NOX4: variants seen among roughly 807,000 people sequenced by gnomAD.
The protein encoded by NOX4 is NADPH oxidase 4, also known as kidney oxidase-1.
A neutral mutation model predicts 87.6 loss-of-function variants in NOX4; 69 were observed. The observed-to-expected ratio is 0.79, with a 90% CI of 0.65 to 0.96. The LOEUF is 0.96. Ranked by LOEUF, NOX4 falls within the 40% of genes least tolerant of loss-of-function variation. The pLI, the probability that NOX4 is intolerant of heterozygous loss-of-function variation, is 0.00. For synonymous variants in NOX4, 275 were observed against 238.2 expected (o/e 1.15, Z -1.42); for missense variants, 680 against 681.5 (o/e 1.00, Z 0.02).
chr11:89,495,159 T>C (rs1474366035), upstream of NOX4, among the ~76,000 whole-genome samples: 1 of 152,156 alleles, frequency 6.6e-6, no homozygotes, highest in Non-Finnish European at 1.5e-5. Context: ...TTTGTTTTTG[T>C]AGAGACGAGA....
At chr11:89,516,327 T>C in the NOX4 span, among the ~76,000 whole-genome samples, 4 of 152,080 alleles carry the variant, frequency 2.6e-5, no homozygotes, top group Non-Finnish European at 5.9e-5. Flanking sequence ...AAATTGAATA[T>C]AGATCAATAG....
chr11:89,338,699 G>A (rs1945834478), intron 15 of NOX4, among the ~76,000 whole-genome samples: 2 of 152,036 alleles, frequency 1.3e-5, no homozygotes. Context: ...GCATACTGCT[G>A]CCTCAGAGCC....
intron 8 of NOX4, among the ~76,000 whole-genome samples, chr11:89,409,097 G>GA (rs11323768): frequency 8.0e-4 from 120 of 149,870 alleles, no homozygotes; most frequent in African/African-American, 2.8e-3. Context: ...CCCTTGCAAA[G>GA]AAAAAAAAAG....
the NOX4 span, among the ~76,000 whole-genome samples, chr11:89,515,211 C>G: frequency 6.6e-6 from 1 of 151,946 alleles, no homozygotes; most frequent in East Asian, 1.9e-4. Context: ...AGTAGTTGTA[C>G]CCTTTAAAAT....
Position 89,391,335 on chromosome 11 carries a change from G to A in NOX4, c.1074+8682C>T, listed in dbSNP as rs191987019. 1.4e-4 allele frequency among the ~76,000 whole-genome samples: 21 copies of A among 152,266 alleles called. No individual in the cohort carries two copies. In the East Asian group the frequency reaches 4.1e-3, roughly 29 times the overall value. On this transcript the variant is annotated intron_variant, in intron 11 of 17. Transcript: ENST00000263317. ...AAGATGAGATGTGAAGGATGAGTAA[G>A]AGTTCCCAGACAAAGAGAATGGGTG...
chr11:89,461,151 C>T (rs1263756520), intron 2 of NOX4, among the ~76,000 whole-genome samples: 1 of 151,828 alleles, frequency 6.6e-6, no homozygotes, highest in Non-Finnish European at 1.5e-5. Flanking sequence ...CAATCCGGGG[C>T]CTGTTGTGGG....
At chr11:89,560,149 A>G in the NOX4 span, among the ~76,000 whole-genome samples, 4 of 152,178 alleles carry the variant, frequency 2.6e-5, no homozygotes, top group African/African-American at 9.7e-5. Context: ...ATAAAAGATG[A>G]ACACATGAAG....
the NOX4 span, among the ~76,000 whole-genome samples, chr11:89,529,942 A>G: frequency 1.3e-5 from 2 of 152,192 alleles, no homozygotes; most frequent in African/African-American, 4.8e-5. Flanking sequence ...TTACACATAG[A>G]TAAAACAATT....
intron 11 of NOX4, among the ~76,000 whole-genome samples, chr11:89,381,770 T>C (rs1940302345): frequency 6.6e-6 from 1 of 152,204 alleles, no homozygotes; most frequent in African/African-American, 2.4e-5. Flanking sequence ...CTACAACCTC[T>C]GGTCCTCAGA....
chr11:89,357,788 T>C (rs1170900196), intron 12 of NOX4, among the ~76,000 whole-genome samples: 1 of 152,096 alleles, frequency 6.6e-6, no homozygotes, highest in Non-Finnish European at 1.5e-5. Context: ...ATATAATACA[T>C]CCTTTTCGCA....
the NOX4 span, among the ~76,000 whole-genome samples, chr11:89,507,002 A>G: frequency 6.6e-6 from 1 of 152,040 alleles, no homozygotes; most frequent in Non-Finnish European, 1.5e-5. Context: ...TACAACATGT[A>G]TGAATCTCAA....
chr11:89,454,373 G>T (rs1468927266), intron 2 of NOX4, among the ~76,000 whole-genome samples: 1 of 152,050 alleles, frequency 6.6e-6, no homozygotes. Context: ...CCATGTTGGA[G>T]ATGAAGAGCT....
chr11:89,384,507 C>T (rs1565221652), intron 11 of NOX4, among the ~76,000 whole-genome samples: 1 of 152,276 alleles, frequency 6.6e-6, no homozygotes, highest in East Asian at 1.9e-4. Context: ...TTCTACAAAA[C>T]AACAACTCCT....
intron 2 of NOX4, among the ~76,000 whole-genome samples, chr11:89,483,151 G>T (rs946553105): frequency 6.6e-6 from 1 of 151,916 alleles, no homozygotes; most frequent in African/African-American, 2.4e-5. Flanking sequence ...TAAATATAAG[G>T]ATTAAATGAG....
At chr11:89,492,413 C>A (rs1946881936), upstream of NOX4, among the ~76,000 whole-genome samples, 1 of 152,168 alleles carries the variant, frequency 6.6e-6, no homozygotes, top group Non-Finnish European at 1.5e-5. Flanking sequence ...AATAAAAAAT[C>A]TTACAACACA....
intron 2 of NOX4, among the ~76,000 whole-genome samples, chr11:89,460,961 C>T (rs1227990469): frequency 8.5e-5 from 13 of 152,162 alleles, no homozygotes; most frequent in South Asian, 2.1e-4. Flanking sequence ...ATATACACCA[C>T]GGAATACTAT....
At chr11:89,489,414 C>T (rs1038168184) in intron 2 of NOX4, among the ~76,000 whole-genome samples, 15 of 152,252 alleles carry the variant, frequency 9.9e-5, no homozygotes, top group African/African-American at 3.4e-4. Flanking sequence ...GGGTTTTACA[C>T]TTTTTGCTTG....
chr11:89,397,276 C>G (rs1375022534), intron 11 of NOX4, among the ~76,000 whole-genome samples: 1 of 152,056 alleles, frequency 6.6e-6, no homozygotes, highest in African/African-American at 2.4e-5. Flanking sequence ...CCAATGAGAA[C>G]AAAGACACAA....
the NOX4 span, chr11:89,548,846 G>C: frequency 6.6e-6 from 1 of 152,158 alleles, no homozygotes; most frequent in African/African-American, 2.4e-5. Flanking sequence ...AGCCGCTGCT[G>C]TGTTTGCTAT....
Sources: allele counts gnomAD v4.1 joint callset (sites outside exome capture counted in the v4.1 genomes callset), GRCh38; gene constraint gnomAD v4.1.1; transcripts MANE v1.5; gene names NCBI Gene and HGNC (gene_info 2026-07-23, HGNC 2026-07-21).